PPP3CA: variants seen among roughly 807,000 people sequenced by gnomAD.
PPP3CA encodes the protein protein phosphatase 3 catalytic subunit alpha, also known as CAM-PRP catalytic subunit.
In PPP3CA, 14 loss-of-function variants were observed where a neutral mutation model predicts 66.5. That is an observed-to-expected ratio of 0.21 (90% CI 0.14 to 0.33). The LOEUF is 0.33. Among genes scored for constraint, PPP3CA ranks in the 10% least tolerant of loss-of-function variants. The pLI, the probability that PPP3CA is intolerant of heterozygous loss-of-function variation, is 1.00. For missense variants in PPP3CA, 317 were observed against 639.5 expected (o/e 0.50, Z 5.44); for synonymous variants, 232 against 226.2 (o/e 1.03, Z -0.23).
chr4:101,265,394 C>T (rs1010826575), intron 1 of PPP3CA, among the ~76,000 whole-genome samples: 14 of 152,138 alleles, frequency 9.2e-5, no homozygotes, highest in African/African-American at 3.4e-4. Flanking sequence ...CAGGTGTGTG[C>T]CATAGCACCC....
chr4:101,181,617 C>A (rs1461429395), intron 2 of PPP3CA, among the ~76,000 whole-genome samples: 2 of 151,950 alleles, frequency 1.3e-5, no homozygotes, highest in Admixed American at 1.3e-4. Flanking sequence ...CACAGAAAAG[C>A]CCACTATACT....
chr4:101,307,005 A>T (rs567236955), intron 1 of PPP3CA, among the ~76,000 whole-genome samples: 104 of 152,280 alleles, frequency 6.8e-4, no homozygotes, highest in African/African-American at 2.4e-3. Flanking sequence ...GAGGGAATGC[A>T]TGCTATGTCT....
rs532339496 is a variant in PPP3CA at position 101,036,061 on chromosome 4, A to C, written c.1242-3697T>G. Among the ~76,000 whole-genome samples, 76 of 152,358 alleles carry C rather than the reference A, an allele frequency of 5.0e-4. 1 individual carries two copies. In the South Asian group the frequency reaches 0.016, roughly 31 times the overall value. On this transcript the variant is annotated intron_variant, in intron 11 of 13. Coordinates refer to ENST00000394854, the MANE Select transcript of PPP3CA (RefSeq NM_000944.5). The stretch of plus-strand genomic sequence containing the variant: ...GAATTAAGATGTGCTGTAAGTGTAA[A>C]ATACACATGGGATTTCAAAGATGTA...
At chr4:101,298,296 G>A (rs1032587749) in intron 1 of PPP3CA, among the ~76,000 whole-genome samples, 2 of 151,004 alleles carry the variant, frequency 1.3e-5, no homozygotes, top group African/African-American at 2.5e-5. Flanking sequence ...AAGAAATCTT[G>A]ATGTAAAGAC....
chr4:101,339,608 A>C (rs1729743713), intron 1 of PPP3CA, among the ~76,000 whole-genome samples: 2 of 152,212 alleles, frequency 1.3e-5, no homozygotes, highest in South Asian at 4.1e-4. Context: ...ACCAGTTACA[A>C]ATGGAACTTA....
intron 10 of PPP3CA, among the ~76,000 whole-genome samples, chr4:101,042,044 A>G (rs1055212350): frequency 6.6e-6 from 1 of 152,152 alleles, no homozygotes; most frequent in Non-Finnish European, 1.5e-5. Flanking sequence ...TGTTTCCCTT[A>G]GAGGGCTTTT....
At chr4:101,258,088 G>C (rs1285024689) in intron 1 of PPP3CA, among the ~76,000 whole-genome samples, 1 of 151,964 alleles carries the variant, frequency 6.6e-6, no homozygotes, top group Non-Finnish European at 1.5e-5. Context: ...TAGTAGTAAA[G>C]CATCCAAAAC....
intron 3 of PPP3CA, among the ~76,000 whole-genome samples, chr4:101,107,671 T>C (rs1418499312): frequency 6.6e-6 from 1 of 152,204 alleles, no homozygotes; most frequent in Non-Finnish European, 1.5e-5. Flanking sequence ...TAAAGGTGAA[T>C]TAAATAACCG....
chr4:101,338,386 A>G (rs1364565090), intron 1 of PPP3CA, among the ~76,000 whole-genome samples: 1 of 152,246 alleles, frequency 6.6e-6, no homozygotes, highest in African/African-American at 2.4e-5. Context: ...ACGATTTAAG[A>G]TTGACAAAAT....
chr4:101,313,371 G>T (rs1728785905), intron 1 of PPP3CA, among the ~76,000 whole-genome samples: 1 of 152,052 alleles, frequency 6.6e-6, no homozygotes, highest in Non-Finnish European at 1.5e-5. Context: ...ATATCAGTGA[G>T]GTTCTGATTA....
At chr4:101,184,242 G>T (rs1003171324) in intron 2 of PPP3CA, among the ~76,000 whole-genome samples, 7 of 152,186 alleles carry the variant, frequency 4.6e-5, no homozygotes, top group African/African-American at 1.7e-4. Context: ...GGTGATGCTT[G>T]TAAGTTGAAG....
intron 1 of PPP3CA, among the ~76,000 whole-genome samples, chr4:101,327,469 A>G (rs920242066): frequency 1.3e-5 from 2 of 152,032 alleles, no homozygotes; most frequent in Non-Finnish European, 2.9e-5. Flanking sequence ...CTCATAAGAC[A>G]CAAATTAAAT....
chr4:101,301,820 TTATA>T (rs148313258), intron 1 of PPP3CA, among the ~76,000 whole-genome samples: 1 of 146,738 alleles, frequency 6.8e-6, no homozygotes, highest in African/African-American at 2.5e-5. Flanking sequence ...GCACCATATT[TTATA>T]TATATATATA....
At chr4:101,173,431 A>T (rs1029563488) in intron 2 of PPP3CA, among the ~76,000 whole-genome samples, 1 of 152,130 alleles carries the variant, frequency 6.6e-6, no homozygotes, top group South Asian at 2.1e-4. Flanking sequence ...AAAGTGAAAC[A>T]CTAGGTCGTT....
chr4:101,083,396 T>G, intron 6 of PPP3CA, 133 bp from the exon 7 acceptor site: 6 of 798,360 alleles, frequency 7.5e-6, no homozygotes, highest in African/African-American at 1.7e-5. Context: ...AACAAGCCTC[T>G]TGACTCTAAG....
chr4:101,193,807 T>C (rs1724695321), intron 2 of PPP3CA, among the ~76,000 whole-genome samples: 2 of 152,208 alleles, frequency 1.3e-5, no homozygotes, highest in African/African-American at 4.8e-5. Context: ...GCTAAAAGAA[T>C]GAAGGAATAT....
chr4:101,337,078 A>G lies in PPP3CA; in HGVS notation c.58+9661T>C, dbSNP rs141018810. Among the ~76,000 whole-genome samples, 460 of 152,348 alleles carry G rather than the reference A, an allele frequency of 3.0e-3. 2 individuals carry two copies. Among genetic ancestry groups the G allele is most frequent in the African/African-American group, 0.011 (443 of 41,578 alleles). On this transcript the variant is annotated intron_variant, in intron 1 of 13. Coordinates refer to ENST00000394854, the MANE Select transcript of PPP3CA (RefSeq NM_000944.5). ...AATGCCATAATTTTAGGCTTAGACTATTCTTCAGCACACATAAAGTTCACA... is the reference window on the plus strand; with the variant it reads ...AATGCCATAATTTTAGGCTTAGACTGTTCTTCAGCACACATAAAGTTCACA...
chr4:101,205,114 T>C (rs2110199526), intron 1 of PPP3CA, among the ~76,000 whole-genome samples: 1 of 152,026 alleles, frequency 6.6e-6, no homozygotes, highest in African/African-American at 2.4e-5. Context: ...TACATTTATT[T>C]TTTGGCCTTG....
At chr4:101,128,155 A>G (rs1722306442) in intron 2 of PPP3CA, among the ~76,000 whole-genome samples, 1 of 152,202 alleles carries the variant, frequency 6.6e-6, no homozygotes, top group Non-Finnish European at 1.5e-5. Flanking sequence ...GAGAGCTAAC[A>G]TAAAAATCCT....
Sources: gnomAD v4.1 joint callset for allele counts (sites outside exome capture counted in the v4.1 genomes callset) on GRCh38, gnomAD v4.1.1 for gene constraint, MANE v1.5 for transcripts, NCBI Gene and HGNC (gene_info 2026-07-23, HGNC 2026-07-21) for gene names.